ZBTB20: variants seen among roughly 807,000 people sequenced by gnomAD.
ZBTB20 encodes the protein zinc finger and BTB domain containing 20.
A neutral mutation model predicts 56.9 loss-of-function variants in ZBTB20; 9 were observed. That is an observed-to-expected ratio of 0.16 (90% CI 0.10 to 0.28). The LOEUF (loss-of-function observed/expected upper bound fraction) is 0.28. Among genes scored for constraint, ZBTB20 ranks in the 10% least tolerant of loss-of-function variants. The pLI is 1.00. For synonymous variants in ZBTB20, 417 were observed against 420.7 expected (o/e 0.99, Z 0.11); for missense variants, 655 against 1,003.0 (o/e 0.65, Z 4.69).
intron 3 of ZBTB20, among the ~76,000 whole-genome samples, chr3:114,969,577 T>G (rs1463113801): frequency 6.6e-6 from 1 of 152,200 alleles, no homozygotes; most frequent in African/African-American, 2.4e-5. Flanking sequence ...TTAACCTTAT[T>G]GTAACTACTA....
At chr3:114,551,004 G>T (rs1225247679) in intron 6 of ZBTB20, among the ~76,000 whole-genome samples, 1 of 152,130 alleles carries the variant, frequency 6.6e-6, no homozygotes, top group Non-Finnish European at 1.5e-5. Flanking sequence ...GCCCAGCTCA[G>T]CCTCCCAAAG....
intron 7 of ZBTB20, among the ~76,000 whole-genome samples, chr3:114,470,217 T>C (rs1374354941): frequency 1.3e-5 from 2 of 152,148 alleles, no homozygotes; most frequent in Admixed American, 6.5e-5. Flanking sequence ...GTTTCCCTTA[T>C]ATAATAACAA....
At chr3:115,052,154 A>G (rs551276107) in intron 2 of ZBTB20, among the ~76,000 whole-genome samples, 2 of 152,078 alleles carry the variant, frequency 1.3e-5, no homozygotes, top group Admixed American at 1.3e-4. Flanking sequence ...TGATATAATA[A>G]AACTTTCTAA....
intron 6 of ZBTB20, chr3:114,688,315 C>G (rs919222399): frequency 6.6e-6 from 1 of 151,386 alleles, no homozygotes. Flanking sequence ...TCATACATAC[C>G]CCAAACCTCA....
chr3:114,414,971 A>G (rs1265807319), intron 7 of ZBTB20, among the ~76,000 whole-genome samples: 1 of 147,932 alleles, frequency 6.8e-6, no homozygotes, highest in African/African-American at 2.5e-5. Flanking sequence ...CCAGGATTTT[A>G]ACCACAGATG....
chr3:114,406,901 A>G (rs899967182), intron 7 of ZBTB20, among the ~76,000 whole-genome samples: 1 of 152,178 alleles, frequency 6.6e-6, no homozygotes, highest in Non-Finnish European at 1.5e-5. Context: ...TTCATAGAAA[A>G]CTTTTACATA....
intron 7 of ZBTB20, among the ~76,000 whole-genome samples, chr3:114,408,525 A>ATTT (rs112947085): frequency 1.1e-4 from 16 of 147,672 alleles, no homozygotes; most frequent in Non-Finnish European, 2.1e-4. Context: ...TCTTCTAGTG[A>ATTT]TTTTTTTTTT....
rs1344116160 is a variant in ZBTB20, at chr3:114,328,962, CACTA to C, written c.*10039_*10042del. 3 of 152,220 alleles carry C rather than the reference CACTA, an allele frequency of 2.0e-5. No homozygotes were observed. Among genetic ancestry groups the C allele is most frequent in the Admixed American group, 1.3e-4 (2 of 15,280 alleles). 9.4% of individuals were successfully genotyped at this position (152,220 alleles called of 1,614,324 possible). ...GTGATCATTAGAGAAGAAACAGCCT[CACTA>C]ACAGTCAATTCACAATTATGTTTGT... is the stretch of plus-strand genomic sequence containing the variant. On this transcript the variant is annotated 3_prime_UTR_variant, in exon 12 of 12. Transcript: ENST00000675478.
chr3:114,674,567 T>C (rs893354498), intron 6 of ZBTB20, among the ~76,000 whole-genome samples: 3 of 152,060 alleles, frequency 2.0e-5, no homozygotes, highest in African/African-American at 7.2e-5. Flanking sequence ...GAAACACATG[T>C]AAACTACAAT....
In ZBTB20 at chr3:114,602,870, T is replaced by C. The variant is rs78277601; in HGVS notation, c.-295+90658A>G. ...GCACTTTTAAATTAAAAGTATGTAT[T>C]TTTTCTTCCTGTTACTGAAGTAACA... On this transcript the variant is annotated intron_variant, in intron 6 of 11. Transcript: ENST00000675478. Among the ~76,000 whole-genome samples, 1,246 of 152,126 alleles carry C rather than the reference T, an allele frequency of 8.2e-3. 21 individuals carry two copies. The highest frequency in any genetic ancestry group is 0.028 in the African/African-American group (1,160 of 41,552).
At chr3:114,774,483 A>G (rs2069444078) in intron 5 of ZBTB20, among the ~76,000 whole-genome samples, 1 of 152,182 alleles carries the variant, frequency 6.6e-6, no homozygotes, top group South Asian at 2.1e-4. Flanking sequence ...TCTTTTGAAT[A>G]CCACATTCTG....
At chr3:114,344,226 G>C (rs2080015920) in intron 11 of ZBTB20, among the ~76,000 whole-genome samples, 1 of 152,188 alleles carries the variant, frequency 6.6e-6, no homozygotes, top group African/African-American at 2.4e-5. Context: ...TGACAACTAA[G>C]ATATTTTAGT....
At chr3:114,568,683 G>T (rs2053076893) in intron 6 of ZBTB20, among the ~76,000 whole-genome samples, 1 of 152,130 alleles carries the variant, frequency 6.6e-6, no homozygotes, top group Admixed American at 6.6e-5. Context: ...ATCAATACTT[G>T]ATTCAAGGAA....
intron 2 of ZBTB20, among the ~76,000 whole-genome samples, chr3:115,064,704 C>T (rs541886319): frequency 1.3e-5 from 2 of 152,048 alleles, no homozygotes; most frequent in African/African-American, 2.4e-5. Flanking sequence ...CTGCCTCAGC[C>T]TCCCAAAGTG....
chr3:114,574,192 G>T (rs931994141), intron 6 of ZBTB20, among the ~76,000 whole-genome samples: 1 of 152,076 alleles, frequency 6.6e-6, no homozygotes, highest in Non-Finnish European at 1.5e-5. Flanking sequence ...CTCGAATTTT[G>T]TAATTTAAGA....
At chr3:114,463,131 A>G (rs1456203432) in intron 7 of ZBTB20, among the ~76,000 whole-genome samples, 2 of 152,212 alleles carry the variant, frequency 1.3e-5, no homozygotes, top group Non-Finnish European at 2.9e-5. Context: ...TTTCATTTGT[A>G]AAATATGAAT....
intron 3 of ZBTB20, among the ~76,000 whole-genome samples, chr3:114,958,377 G>C (rs2077321511): frequency 6.6e-6 from 1 of 152,110 alleles, no homozygotes; most frequent in South Asian, 2.1e-4. Flanking sequence ...ATAAAATCTA[G>C]TAACAGTTCA....
chr3:114,726,575 T>C (rs2065296981), intron 5 of ZBTB20, among the ~76,000 whole-genome samples: 1 of 152,108 alleles, frequency 6.6e-6, no homozygotes, highest in Admixed American at 6.5e-5. Context: ...TATTCCTAGG[T>C]AATGCTAATG....
At chr3:114,970,055 C>T (rs781340834) in intron 3 of ZBTB20, among the ~76,000 whole-genome samples, 1 of 152,272 alleles carries the variant, frequency 6.6e-6, no homozygotes, top group East Asian at 1.9e-4. Context: ...TTTGTCATTC[C>T]GTTGGGCCAG....
Sources: allele counts gnomAD v4.1 joint callset (sites outside exome capture counted in the v4.1 genomes callset), GRCh38; gene constraint gnomAD v4.1.1; transcripts MANE v1.5; gene names NCBI Gene and HGNC (gene_info 2026-07-23, HGNC 2026-07-21).